Variants in SUGCT observed in about 807,000 individuals in gnomAD.
SUGCT encodes succinyl-CoA:glutarate CoA-transferase.
In SUGCT, 41 loss-of-function variants were observed where a neutral mutation model predicts 55.0. The observed-to-expected ratio is 0.74, with a 90% CI of 0.58 to 0.97. The LOEUF (loss-of-function observed/expected upper bound fraction) is 0.97. SUGCT is among the 50% of genes least tolerant of loss of function. The pLI is 0.00. For missense variants in SUGCT, 568 were observed against 547.8 expected, an observed-to-expected ratio of 1.04 and a Z score of -0.37; for synonymous variants, 187 against 200.4, an observed-to-expected ratio of 0.93 and a Z score of 0.56.
intron 13 of SUGCT, among the ~76,000 whole-genome samples, chr7:40,821,776 T>C (rs1368498278): frequency 6.6e-6 from 1 of 152,204 alleles, no homozygotes; most frequent in Non-Finnish European, 1.5e-5. Context: ...TCAGTTCTGC[T>C]CTGATTTTAG....
intron 1 of SUGCT, among the ~76,000 whole-genome samples, chr7:40,137,732 G>A (rs1321937213): frequency 2.6e-5 from 4 of 152,114 alleles, no homozygotes. Flanking sequence ...CCAGGCTGGA[G>A]TGCAGTGGCG....
At chr7:40,507,915 G>T (rs1444177957) in intron 12 of SUGCT, among the ~76,000 whole-genome samples, 1 of 152,082 alleles carries the variant, frequency 6.6e-6, no homozygotes, top group East Asian at 1.9e-4. Flanking sequence ...AAACTTGCTT[G>T]TCTGCTGTTT....
chr7:40,419,516 G>A (rs1787191859), intron 9 of SUGCT, among the ~76,000 whole-genome samples: 1 of 152,140 alleles, frequency 6.6e-6, no homozygotes, highest in South Asian at 2.1e-4. Flanking sequence ...ATTATTTCTG[G>A]CTACAAAGCT....
the SUGCT span, among the ~76,000 whole-genome samples, chr7:41,000,138 TCAA>T: frequency 6.6e-6 from 1 of 152,294 alleles, no homozygotes; most frequent in Middle Eastern, 3.4e-3. Context: ...TTCAAAGCAC[TCAA>T]CAAGTTCTTA....
intron 9 of SUGCT, among the ~76,000 whole-genome samples, chr7:40,391,021 C>T (rs538782761): frequency 1.6e-4 from 25 of 152,200 alleles, no homozygotes; most frequent in African/African-American, 5.8e-4. Flanking sequence ...CTGACAGAAA[C>T]AAGAAATGGG....
rs539448420 is a variant in SUGCT at position 40,380,413 on chromosome 7, G to T, written c.816+63558G>T. ...TTTTTGCCAATCTTGTCATTGTTTT[G>T]TGGAGGAGAGGATTTTCGGAGGTCT... is the stretch of plus-strand genomic sequence containing the variant. On this transcript the variant is annotated intron_variant, in intron 9 of 13. Coordinates refer to ENST00000335693, the MANE Select transcript of SUGCT (RefSeq NM_001193313.2). Among the ~76,000 whole-genome samples, 5 of 152,172 alleles carry T rather than the reference G, an allele frequency of 3.3e-5. No homozygotes were observed. The East Asian group carries it at 9.7e-4, about 29-fold the overall frequency.
intron 12 of SUGCT, among the ~76,000 whole-genome samples, chr7:40,664,733 C>A (rs1801513694): frequency 6.6e-6 from 1 of 152,144 alleles, no homozygotes; most frequent in Admixed American, 6.5e-5. Flanking sequence ...GTAATCCCAG[C>A]ACTTTGGGAG....
intron 13 of SUGCT, among the ~76,000 whole-genome samples, chr7:40,849,246 C>A (rs1793731894): frequency 2.0e-5 from 3 of 152,030 alleles, no homozygotes; most frequent in South Asian, 2.1e-4. Context: ...AGAAAAAAAT[C>A]AAATGAAAAA....
At chr7:40,673,985 A>G (rs1479623528) in intron 12 of SUGCT, among the ~76,000 whole-genome samples, 3 of 152,204 alleles carry the variant, frequency 2.0e-5, no homozygotes, top group African/African-American at 7.2e-5. Flanking sequence ...AGGCACTACA[A>G]CAATAACAAC....
At chr7:40,898,036 C>T in the SUGCT span, among the ~76,000 whole-genome samples, 1 of 152,154 alleles carries the variant, frequency 6.6e-6, no homozygotes, top group South Asian at 2.1e-4. Context: ...TTTCGCTTTT[C>T]AGATAAATCT....
the SUGCT span, among the ~76,000 whole-genome samples, chr7:41,004,387 G>A: frequency 2.0e-5 from 3 of 152,256 alleles, no homozygotes; most frequent in Middle Eastern, 3.4e-3. Flanking sequence ...GAAGGCAGGC[G>A]TATTGTTGTT....
chr7:40,706,967 A>G (rs1348095572), intron 12 of SUGCT, among the ~76,000 whole-genome samples: 2 of 152,152 alleles, frequency 1.3e-5, no homozygotes, highest in Admixed American at 1.3e-4. Flanking sequence ...TGGTCATGAC[A>G]CAGTTCGGCT....
chr7:40,298,450 G>C (rs1304901738), intron 8 of SUGCT, among the ~76,000 whole-genome samples: 2 of 152,122 alleles, frequency 1.3e-5, no homozygotes, highest in Non-Finnish European at 2.9e-5. Context: ...TTTGTCATCT[G>C]TATTTGTTCT....
intron 12 of SUGCT, among the ~76,000 whole-genome samples, chr7:40,566,871 T>C (rs1312231867): frequency 6.6e-6 from 1 of 152,212 alleles, no homozygotes. Flanking sequence ...TATACAACAC[T>C]ATTTTGAAAT....
chr7:40,839,600 T>G (rs1257712509), intron 13 of SUGCT, among the ~76,000 whole-genome samples: 1 of 152,208 alleles, frequency 6.6e-6, no homozygotes, highest in Non-Finnish European at 1.5e-5. Context: ...TATAGAACTG[T>G]TCAACTTACC....
At chr7:40,289,205 G>A (rs1793561676) in intron 8 of SUGCT, among the ~76,000 whole-genome samples, 1 of 151,930 alleles carries the variant, frequency 6.6e-6, no homozygotes, top group Non-Finnish European at 1.5e-5. Context: ...ATCCATGTGG[G>A]CCTAATGAAA....
chr7:40,676,028 A>G (rs1427869715), intron 12 of SUGCT, among the ~76,000 whole-genome samples: 2 of 152,178 alleles, frequency 1.3e-5, no homozygotes, highest in Non-Finnish European at 2.9e-5. Context: ...TACCAAATAT[A>G]TAATTAACAG....
intron 12 of SUGCT, among the ~76,000 whole-genome samples, chr7:40,709,936 C>T (rs1562957971): frequency 1.3e-5 from 2 of 152,186 alleles, no homozygotes; most frequent in African/African-American, 2.4e-5. Context: ...TAGGAACCAA[C>T]TTCAAGAACC....
At chr7:40,146,304 A>G (rs1241724830) in intron 1 of SUGCT, among the ~76,000 whole-genome samples, 1 of 152,202 alleles carries the variant, frequency 6.6e-6, no homozygotes, top group African/African-American at 2.4e-5. Flanking sequence ...AGTGGCCTCA[A>G]TGCTTTCAGG....
Sources: gnomAD v4.1 joint callset for allele counts (sites outside exome capture counted in the v4.1 genomes callset) on GRCh38, gnomAD v4.1.1 for gene constraint, MANE v1.5 for transcripts, NCBI Gene and HGNC (gene_info 2026-07-23, HGNC 2026-07-21) for gene names.